The following BRD10 variants were observed in gnomAD, a reference collection of about 807,000 sequenced individuals.
BRD10 encodes uncharacterized bromodomain-containing protein 10.
the BRD10 span, chr9:5,922,790 G>C: frequency 6.2e-7 from 1 of 1,613,966 alleles, no homozygotes; most frequent in South Asian, 1.1e-5. Context: ...CTGGCCACAG[G>C]GCATTTTGTA....
chr9:5,915,997 C>T, the BRD10 span, among the ~76,000 whole-genome samples: 36 of 152,178 alleles, frequency 2.4e-4, no homozygotes, highest in African/African-American at 8.7e-4. Flanking sequence ...TTCTCACATT[C>T]ACATTTTCTC....
the BRD10 span, among the ~76,000 whole-genome samples, chr9:5,908,125 C>T: frequency 1.8e-4 from 28 of 152,264 alleles, no homozygotes; most frequent in African/African-American, 6.3e-4. Flanking sequence ...CATGGGCAAG[C>T]GAGTTAACCT....
chr9:5,973,605 T>C, the BRD10 span, among the ~76,000 whole-genome samples: 1 of 152,112 alleles, frequency 6.6e-6, no homozygotes, highest in South Asian at 2.1e-4. Flanking sequence ...ACAAATTGAT[T>C]GGGCTGGGTG....
the BRD10 span, among the ~76,000 whole-genome samples, chr9:5,893,077 A>C: frequency 6.6e-6 from 1 of 152,358 alleles, no homozygotes; most frequent in East Asian, 1.9e-4. Context: ...GTGAATTAAA[A>C]ATAAGTATTT....
At chr9:5,947,139 C>T in the BRD10 span, among the ~76,000 whole-genome samples, 1 of 152,062 alleles carries the variant, frequency 6.6e-6, no homozygotes, top group Admixed American at 6.6e-5. Context: ...AGCTTAAGAG[C>T]TACATAAAAT....
At chr9:6,007,867 A>G in the BRD10 span, 1 of 1,346,288 alleles carries the variant, frequency 7.4e-7, no homozygotes, top group Non-Finnish European at 9.5e-7. Flanking sequence ...CCGCTTCCTC[A>G]CGGCTCGGCC....
At chr9:5,991,724 TAAA>T in the BRD10 span, among the ~76,000 whole-genome samples, 26 of 117,976 alleles carry the variant, frequency 2.2e-4, no homozygotes, top group South Asian at 8.1e-4. Context: ...GACTCTGTCT[TAAA>T]AAAAAAAAAA....
chr9:5,880,552 A>C, the BRD10 span, among the ~76,000 whole-genome samples: 2 of 151,986 alleles, frequency 1.3e-5, no homozygotes, highest in Admixed American at 6.5e-5. Flanking sequence ...CAAACAAAAA[A>C]ACACTGAAGT....
chr9:5,986,326 G>C, the BRD10 span, among the ~76,000 whole-genome samples: 1 of 152,180 alleles, frequency 6.6e-6, no homozygotes, highest in African/African-American at 2.4e-5. Context: ...TGGCTGCAGA[G>C]TATTCCATGG....
chr9:5,970,408 A>G, the BRD10 span, among the ~76,000 whole-genome samples: 1 of 152,152 alleles, frequency 6.6e-6, no homozygotes, highest in Non-Finnish European at 1.5e-5. Flanking sequence ...GGTTAATAGG[A>G]ATATGAGTGC....
At chr9:5,939,514 A>C in the BRD10 span, among the ~76,000 whole-genome samples, 1 of 152,212 alleles carries the variant, frequency 6.6e-6, no homozygotes, top group African/African-American at 2.4e-5. Context: ...GTAAAGGTTA[A>C]CACAGACATT....
At chr9:5,985,726 G>A in the BRD10 span, among the ~76,000 whole-genome samples, 2 of 151,862 alleles carry the variant, frequency 1.3e-5, no homozygotes, top group African/African-American at 2.4e-5. Flanking sequence ...CGGAGGTTGT[G>A]GTGAGCCAAG....
the BRD10 span, chr9:6,007,246 T>A: frequency 1.1e-5 from 17 of 1,613,838 alleles, no homozygotes; most frequent in South Asian, 1.9e-4. Context: ...CTTCTGGCCC[T>A]GTTTGGAGAT....
the BRD10 span, among the ~76,000 whole-genome samples, chr9:5,967,589 C>T: frequency 6.6e-6 from 1 of 150,772 alleles, no homozygotes; most frequent in Non-Finnish European, 1.5e-5. Context: ...GGAAGATAAT[C>T]TGACTACCCT....
chr9:5,967,887 T>G, the BRD10 span: 34 of 605,472 alleles, frequency 5.6e-5, no homozygotes, highest in Admixed American at 7.3e-4. Context: ...TAAAATAAAA[T>G]TTGACCCTCA....
the BRD10 span, among the ~76,000 whole-genome samples, chr9:6,007,020 C>G: frequency 6.6e-6 from 1 of 152,210 alleles, no homozygotes; most frequent in Non-Finnish European, 1.5e-5. Flanking sequence ...TCGGCCCACA[C>G]CCACCACACC....
the BRD10 span, among the ~76,000 whole-genome samples, chr9:5,938,990 C>T: frequency 6.6e-6 from 1 of 152,036 alleles, no homozygotes; most frequent in Non-Finnish European, 1.5e-5. Context: ...GTATTCTAAA[C>T]AGCTGGCTAT....
chr9:5,953,404 A>G, the BRD10 span, among the ~76,000 whole-genome samples: 3 of 152,248 alleles, frequency 2.0e-5, no homozygotes, highest in African/African-American at 7.2e-5. Flanking sequence ...TATTAGCTAC[A>G]AATAAAAAAC....
chr9:5,914,414 T>G, the BRD10 span, among the ~76,000 whole-genome samples: 880 of 46,138 alleles, frequency 0.019, 15 homozygotes, highest in Middle Eastern at 0.035. Context: ...CAGATGGTTT[T>G]TTTTTTTTTT....
Sources: allele counts gnomAD v4.1 joint callset (sites outside exome capture counted in the v4.1 genomes callset), GRCh38; gene constraint gnomAD v4.1.1; transcripts MANE v1.5; gene names NCBI Gene and HGNC (gene_info 2026-07-23, HGNC 2026-07-21).